Variants in ASIC2 observed in about 807,000 individuals in gnomAD.
ASIC2 encodes the protein acid-sensing ion channel 2.
A neutral mutation model predicts 57.3 loss-of-function variants in ASIC2; 25 were observed. The observed-to-expected ratio is 0.44, with a 90% confidence interval of 0.32 to 0.61. ASIC2 has a LOEUF of 0.61. Among genes scored for constraint, ASIC2 ranks in the 20% least tolerant of loss-of-function variants. ASIC2 has a pLI of 0.06. For missense variants in ASIC2, 641 were observed against 738.1 expected, an observed-to-expected ratio of 0.87 and a Z score of 1.52; for synonymous variants, 319 against 307.5, an observed-to-expected ratio of 1.04 and a Z score of -0.39.
intron 1 of ASIC2, among the ~76,000 whole-genome samples, chr17:34,077,632 T>G (rs896084732): frequency 6.6e-6 from 1 of 152,184 alleles, no homozygotes; most frequent in Admixed American, 6.5e-5. Context: ...CCCTCCCTCT[T>G]GCACATAATT....
At chr17:33,154,013 C>T (rs969860180) in intron 1 of ASIC2, among the ~76,000 whole-genome samples, 3 of 152,132 alleles carry the variant, frequency 2.0e-5, no homozygotes, top group African/African-American at 7.2e-5. Flanking sequence ...CAAGGGTGCT[C>T]CTTCATGAAC....
intron 1 of ASIC2, among the ~76,000 whole-genome samples, chr17:33,536,147 G>A (rs1021559982): frequency 2.0e-5 from 3 of 152,084 alleles, no homozygotes; most frequent in Non-Finnish European, 4.4e-5. Context: ...GTATACGGGA[G>A]TGACGTTCAT....
chr17:34,032,903 A>G (rs957704035), intron 1 of ASIC2, among the ~76,000 whole-genome samples: 1 of 152,214 alleles, frequency 6.6e-6, no homozygotes, highest in Non-Finnish European at 1.5e-5. Context: ...AGACTCCCAC[A>G]CAATAATAAT....
At chr17:33,958,714 G>T (rs1436970977) in intron 1 of ASIC2, among the ~76,000 whole-genome samples, 1 of 152,088 alleles carries the variant, frequency 6.6e-6, no homozygotes, top group East Asian at 1.9e-4. Flanking sequence ...TGCCACAAAC[G>T]TCTCTGATAC....
chr17:33,786,117 C>T, intron 1 of ASIC2, among the ~76,000 whole-genome samples: 1 of 151,318 alleles, frequency 6.6e-6, no homozygotes, highest in East Asian at 1.9e-4. Flanking sequence ...CTCATCTGTG[C>T]CCCCCCCTTG....
intron 1 of ASIC2, among the ~76,000 whole-genome samples, chr17:33,472,905 A>T (rs986558005): frequency 6.6e-6 from 1 of 152,210 alleles, no homozygotes; most frequent in African/African-American, 2.4e-5. Context: ...AAACTGTGGT[A>T]ATCTTGGCCT....
At chr17:33,909,806 T>C (rs1396186292) in intron 1 of ASIC2, among the ~76,000 whole-genome samples, 1 of 152,200 alleles carries the variant, frequency 6.6e-6, no homozygotes, top group Non-Finnish European at 1.5e-5. Context: ...TATACCCTAA[T>C]AAGGACATGA....
intron 1 of ASIC2, among the ~76,000 whole-genome samples, chr17:33,477,040 A>G (rs1458253610): frequency 6.6e-6 from 1 of 152,194 alleles, no homozygotes; most frequent in Non-Finnish European, 1.5e-5. Context: ...TACTATGTAT[A>G]CTATACATCT....
chr17:33,878,622 T>C (rs1168662893), intron 1 of ASIC2, among the ~76,000 whole-genome samples: 1 of 152,202 alleles, frequency 6.6e-6, no homozygotes, highest in Non-Finnish European at 1.5e-5. Flanking sequence ...AGACCAAATC[T>C]ATGTCTGACT....
intron 1 of ASIC2, among the ~76,000 whole-genome samples, chr17:33,700,859 A>G (rs1908676267): frequency 1.3e-5 from 2 of 152,208 alleles, no homozygotes; most frequent in Non-Finnish European, 2.9e-5. Context: ...CCTTGGTCCC[A>G]TCCTGACTAC....
At chr17:33,096,712 T>C (rs979424329) in intron 2 of ASIC2, among the ~76,000 whole-genome samples, 1 of 152,176 alleles carries the variant, frequency 6.6e-6, no homozygotes, top group African/African-American at 2.4e-5. Flanking sequence ...AGAGCAGGTG[T>C]GGCTCGCTTG....
At chr17:33,175,463 TG>T (rs909036233) in intron 1 of ASIC2, among the ~76,000 whole-genome samples, 86 of 144,730 alleles carry the variant, frequency 5.9e-4, no homozygotes, top group Non-Finnish European at 8.4e-4. Context: ...GTTATTTTAT[TG>T]TTTTTTTTTT....
At chr17:33,894,864 T>C (rs905484288) in intron 1 of ASIC2, among the ~76,000 whole-genome samples, 2 of 152,110 alleles carry the variant, frequency 1.3e-5, no homozygotes, top group Non-Finnish European at 2.9e-5. Context: ...GCCCTTCTAG[T>C]TTTGACCATT....
chr17:33,421,009 C>G (rs924474750), intron 1 of ASIC2, among the ~76,000 whole-genome samples: 3 of 152,168 alleles, frequency 2.0e-5, no homozygotes, highest in East Asian at 3.9e-4. Context: ...TTCTACTTTT[C>G]CTTGGAAAGC....
intron 1 of ASIC2, among the ~76,000 whole-genome samples, chr17:33,168,975 T>G (rs1240788517): frequency 1.3e-5 from 2 of 152,186 alleles, no homozygotes; most frequent in Non-Finnish European, 2.9e-5. Flanking sequence ...CAAAGGCATT[T>G]CAGAAATCTT....
chr17:33,066,178 G>T (rs1404706811), intron 3 of ASIC2, among the ~76,000 whole-genome samples: 2 of 152,222 alleles, frequency 1.3e-5, no homozygotes, highest in African/African-American at 2.4e-5. Flanking sequence ...GGGCTTCATT[G>T]CTCAGGGGCA....
At chr17:33,087,502 G>T (rs1238946482) in intron 3 of ASIC2, among the ~76,000 whole-genome samples, 1 of 151,438 alleles carries the variant, frequency 6.6e-6, no homozygotes, top group African/African-American at 2.4e-5. Context: ...GGCACAGTTT[G>T]TGAGGCCTAT....
At chr17:33,806,275 A>G (rs543377725) in intron 1 of ASIC2, among the ~76,000 whole-genome samples, 1 of 152,382 alleles carries the variant, frequency 6.6e-6, no homozygotes, top group South Asian at 2.1e-4. Context: ...CCAAACCAAT[A>G]AATGTGGCTC....
At chr17:33,792,992 G>C in intron 1 of ASIC2, 1 of 152,192 alleles carries the variant, frequency 6.6e-6, no homozygotes, top group East Asian at 1.9e-4. Flanking sequence ...CCCAGAACAG[G>C]ACTTTGACTA....
Sources: allele counts gnomAD v4.1 joint callset (sites outside exome capture counted in the v4.1 genomes callset), GRCh38; gene constraint gnomAD v4.1.1; transcripts MANE v1.5; gene names NCBI Gene and HGNC (gene_info 2026-07-23, HGNC 2026-07-21).